The following CNTNAP2 variants were observed in gnomAD, a reference collection of about 807,000 sequenced individuals.
CNTNAP2 encodes contactin-associated protein-like 2.
A neutral mutation model predicts 155.2 loss-of-function variants in CNTNAP2; 98 were observed. That is an observed-to-expected ratio of 0.63 (90% CI 0.54 to 0.75). CNTNAP2 has a LOEUF of 0.75. Ranked by LOEUF, CNTNAP2 falls within the 30% of genes least tolerant of loss-of-function variation. The pLI, the probability that CNTNAP2 is intolerant of heterozygous loss-of-function variation, is 0.00. For synonymous variants in CNTNAP2, 651 were observed against 631.2 expected (o/e 1.03, Z -0.47); for missense variants, 1,727 against 1,688.1 (o/e 1.02, Z -0.40).
chr7:147,386,166 C>T (rs912741495), intron 9 of CNTNAP2, among the ~76,000 whole-genome samples: 16 of 152,088 alleles, frequency 1.1e-4, no homozygotes, highest in African/African-American at 3.6e-4. Flanking sequence ...CTGAGCCCGA[C>T]CCATGAAATG....
intron 15 of CNTNAP2, among the ~76,000 whole-genome samples, chr7:148,001,339 C>T (rs1468352355): frequency 6.6e-6 from 1 of 152,226 alleles, no homozygotes; most frequent in African/African-American, 2.4e-5. Flanking sequence ...TTGCGGATAA[C>T]ATGGCTCTAC....
intron 21 of CNTNAP2, among the ~76,000 whole-genome samples, chr7:148,360,981 G>A (rs969672381): frequency 2.6e-5 from 4 of 152,006 alleles, no homozygotes; most frequent in African/African-American, 9.6e-5. Context: ...GCTAATTTTT[G>A]TATTTTTAGT....
intron 21 of CNTNAP2, among the ~76,000 whole-genome samples, chr7:148,290,080 T>G (rs1317849750): frequency 1.3e-5 from 2 of 152,176 alleles, no homozygotes; most frequent in Non-Finnish European, 2.9e-5. Flanking sequence ...TCTCAATTGA[T>G]AGAAAAGGGA....
At chr7:147,720,714 C>A (rs117781501) in intron 13 of CNTNAP2, among the ~76,000 whole-genome samples, 3 of 152,044 alleles carry the variant, frequency 2.0e-5, no homozygotes, top group Non-Finnish European at 4.4e-5. Context: ...TCCTTCCTGC[C>A]GCCTTGCGAA....
intron 12 of CNTNAP2, among the ~76,000 whole-genome samples, chr7:147,585,892 C>T (rs185516827): frequency 5.4e-4 from 82 of 152,002 alleles, no homozygotes; most frequent in Middle Eastern, 3.4e-3. Context: ...TATTCTGAGC[C>T]AAATATGAGT....
intron 21 of CNTNAP2, among the ~76,000 whole-genome samples, chr7:148,290,715 C>T (rs1797174527): frequency 6.6e-6 from 1 of 152,146 alleles, no homozygotes; most frequent in South Asian, 2.1e-4. Flanking sequence ...ATTAGACCTC[C>T]CATTTCAGCC....
chr7:147,271,275 A>G (rs1804748477), intron 8 of CNTNAP2, among the ~76,000 whole-genome samples: 1 of 152,120 alleles, frequency 6.6e-6, no homozygotes, highest in Admixed American at 6.6e-5. Context: ...CTCTCCATTG[A>G]ACTCCAGCTT....
chr7:147,151,285 A>C (rs1359530340), intron 8 of CNTNAP2, among the ~76,000 whole-genome samples: 1 of 152,154 alleles, frequency 6.6e-6, no homozygotes, highest in Non-Finnish European at 1.5e-5. Context: ...AAGCCAGGGA[A>C]AATGTTAAGT....
intron 21 of CNTNAP2, among the ~76,000 whole-genome samples, chr7:148,382,728 C>T (rs1346244824): frequency 3.3e-5 from 5 of 152,184 alleles, no homozygotes; most frequent in East Asian, 1.9e-4. Flanking sequence ...TCAGAGCAAT[C>T]GCAGTGCTGC....
intron 13 of CNTNAP2, among the ~76,000 whole-genome samples, chr7:147,741,365 C>T (rs1469791818): frequency 6.6e-6 from 1 of 152,200 alleles, no homozygotes; most frequent in East Asian, 1.9e-4. Context: ...AGACAATTTG[C>T]TGCTGGGTTG....
At chr7:146,887,049 CCA>C (rs1477288648) in intron 3 of CNTNAP2, among the ~76,000 whole-genome samples, 2 of 151,980 alleles carry the variant, frequency 1.3e-5, no homozygotes, top group African/African-American at 2.4e-5. Context: ...TCTCCATTCC[CCA>C]GTCTCCTTAT....
intron 1 of CNTNAP2, among the ~76,000 whole-genome samples, chr7:146,271,538 C>T (rs544968253): frequency 9.2e-5 from 14 of 151,748 alleles, no homozygotes; most frequent in African/African-American, 1.7e-4. Context: ...AAATAATATA[C>T]GGTTTATTCA....
intron 3 of CNTNAP2, among the ~76,000 whole-genome samples, chr7:146,861,160 A>G (rs1795090828): frequency 6.6e-6 from 1 of 152,110 alleles, no homozygotes; most frequent in East Asian, 1.9e-4. Context: ...TCCCGGGTTC[A>G]AGCGATTCTC....
At chr7:147,197,534 G>T (rs1190664983) in intron 8 of CNTNAP2, among the ~76,000 whole-genome samples, 1 of 152,032 alleles carries the variant, frequency 6.6e-6, no homozygotes, top group East Asian at 1.9e-4. Context: ...AATAATAGGA[G>T]ATCTCTCTTG....
At chr7:147,469,534 T>TTTTTTTTTTTTTTTTTG in intron 10 of CNTNAP2, among the ~76,000 whole-genome samples, 1 of 77,876 alleles carries the variant, frequency 1.3e-5, no homozygotes, top group Admixed American at 1.4e-4. Flanking sequence ...TTTTTTTTTC[T>TTTTTTTTTTTTTTTTTG]GTGAGACAAA....
chr7:147,068,481 C>A lies in CNTNAP2; in HGVS notation c.550+24427C>A, dbSNP rs538490648. Among the ~76,000 whole-genome samples the A allele has an allele frequency of 3.0e-4, 45 of 152,266 alleles. No homozygotes were observed. The South Asian group carries it at 9.3e-3, about 32-fold the overall frequency. The stretch of plus-strand genomic sequence containing the variant: ...CAAGCTGATTCTCCTGCCTCCACCT[C>A]CCAAGCAGCTGGGATTACAGGCATA... On this transcript the variant is annotated intron_variant, in intron 4 of 23. Transcript: ENST00000361727.
At chr7:146,857,370 A>G (rs1795011364) in intron 3 of CNTNAP2, among the ~76,000 whole-genome samples, 1 of 152,204 alleles carries the variant, frequency 6.6e-6, no homozygotes, top group African/African-American at 2.4e-5. Flanking sequence ...AACAGATTTA[A>G]TATTTCCCTG....
At chr7:147,540,854 A>T (rs1195622646) in intron 11 of CNTNAP2, among the ~76,000 whole-genome samples, 1 of 152,052 alleles carries the variant, frequency 6.6e-6, no homozygotes, top group Non-Finnish European at 1.5e-5. Context: ...CAAGTTAATG[A>T]AACAAAATTT....
At chr7:146,646,467 G>T (rs979170302) in intron 1 of CNTNAP2, among the ~76,000 whole-genome samples, 4 of 152,070 alleles carry the variant, frequency 2.6e-5, no homozygotes, top group African/African-American at 9.7e-5. Flanking sequence ...TAACAGTAAT[G>T]TATAACATAT....
Sources: gnomAD v4.1 joint callset for allele counts (sites outside exome capture counted in the v4.1 genomes callset) on GRCh38, gnomAD v4.1.1 for gene constraint, MANE v1.5 for transcripts, NCBI Gene and HGNC (gene_info 2026-07-23, HGNC 2026-07-21) for gene names.